OSBPL1A: variants seen among roughly 807,000 people sequenced by gnomAD.
OSBPL1A encodes the protein oxysterol-binding protein-related protein 1.
OSBPL1A carries 80 observed loss-of-function variants against 137.1 expected under a neutral mutation model. That is an observed-to-expected ratio of 0.58 (90% confidence interval 0.49 to 0.70). OSBPL1A has a LOEUF of 0.70. Among genes scored for constraint, OSBPL1A ranks in the 30% least tolerant of loss-of-function variants. OSBPL1A has a pLI of 0.00. For synonymous variants in OSBPL1A, 365 were observed against 389.7 expected, an observed-to-expected ratio of 0.94 and a Z score of 0.75; for missense variants, 970 against 1,129.4, an observed-to-expected ratio of 0.86 and a Z score of 2.02.
chr18:24,298,416 G>A (rs2090332609), intron 14 of OSBPL1A, among the ~76,000 whole-genome samples: 1 of 152,142 alleles, frequency 6.6e-6, no homozygotes, highest in Admixed American at 6.5e-5. Flanking sequence ...GTGCGATCTT[G>A]GCTCACTGCA....
chr18:24,247,567 A>G (rs994744122), intron 15 of OSBPL1A, among the ~76,000 whole-genome samples: 1 of 152,068 alleles, frequency 6.6e-6, no homozygotes, highest in Non-Finnish European at 1.5e-5. Context: ...GGCTCAAGTG[A>G]TCCTCCCACC....
At chr18:24,353,745 A>AG (rs2146175030) in intron 4 of OSBPL1A, among the ~76,000 whole-genome samples, 1 of 152,192 alleles carries the variant, frequency 6.6e-6, no homozygotes, top group Non-Finnish European at 1.5e-5. Flanking sequence ...GCCATAAAAA[A>AG]TGATGAGTTC....
In OSBPL1A at chr18:24,175,115, T is replaced by C. The variant is rs909035902; in HGVS notation, c.2094-2632A>G. 5.3e-3 allele frequency among the ~76,000 whole-genome samples: 154 copies of C among 29,196 alleles called. 3 individuals carry two copies. In the South Asian group the frequency reaches 0.12, roughly 23 times the overall value. The allele number at this position is 29,196 out of a possible 152,430, so 19.2% of individuals were successfully genotyped here. ...CTTATTTGCCATGTGTATGTATATATATATATATATATATATATATACACA... is the reference window on the plus strand; with the variant it reads ...CTTATTTGCCATGTGTATGTATATACATATATATATATATATATATACACA... On this transcript the variant is annotated intron_variant, in intron 21 of 27. Transcript: ENST00000319481.
At chr18:24,300,022 C>A (rs1161264852) in intron 14 of OSBPL1A, among the ~76,000 whole-genome samples, 3 of 152,100 alleles carry the variant, frequency 2.0e-5, no homozygotes, top group African/African-American at 7.2e-5. Flanking sequence ...GATAACATGG[C>A]CTTCAGGAAG....
At chr18:24,240,579 G>C (rs752936725) in intron 15 of OSBPL1A, among the ~76,000 whole-genome samples, 1 of 152,178 alleles carries the variant, frequency 6.6e-6, no homozygotes, top group Non-Finnish European at 1.5e-5. Context: ...GAAAAGCAGG[G>C]ATCCACTGGT....
intron 4 of OSBPL1A, among the ~76,000 whole-genome samples, chr18:24,345,240 GAGA>G (rs2091326996): frequency 6.6e-6 from 1 of 152,212 alleles, no homozygotes; most frequent in African/African-American, 2.4e-5. Flanking sequence ...CCTCCTCCCA[GAGA>G]AGTAGTCAGC....
chr18:24,225,244 A>T, intron 16 of OSBPL1A, 46 bp from the exon 17 acceptor site: 1 of 1,604,702 alleles, frequency 6.2e-7, no homozygotes, highest in Non-Finnish European at 8.5e-7. Context: ...CTTGGGTGTG[A>T]GGCTTCCGTA....
chr18:24,290,269 C>A (rs1438302780), intron 14 of OSBPL1A, among the ~76,000 whole-genome samples: 1 of 152,102 alleles, frequency 6.6e-6, no homozygotes, highest in Non-Finnish European at 1.5e-5. Flanking sequence ...CCCAGATATG[C>A]TAGAAAGAAA....
At chr18:24,364,531 A>C (rs2091674081) in intron 4 of OSBPL1A, among the ~76,000 whole-genome samples, 1 of 152,214 alleles carries the variant, frequency 6.6e-6, no homozygotes, top group African/African-American at 2.4e-5. Context: ...TGAGGTAGGA[A>C]GATCACTTGA....
chr18:24,173,372 AC>A (rs1297717363), intron 21 of OSBPL1A, among the ~76,000 whole-genome samples: 2 of 152,048 alleles, frequency 1.3e-5, no homozygotes, highest in South Asian at 2.1e-4. Context: ...CTGCACATGT[AC>A]CCCCAAACCT....
At position 24,169,788 on chromosome 18, in the gene OSBPL1A, G is replaced by A. The variant is rs1334377671; in HGVS notation, c.2418+539C>T. 3.3e-5 allele frequency among the ~76,000 whole-genome samples: 5 copies of A among 152,292 alleles called. No individual in the cohort carries two copies. In the East Asian group the frequency reaches 7.7e-4, roughly 23 times the overall value. ...CACTGGAGCCTGTTTGGGACCACGC[G>A]ACAAGAAGCCACGTATGTGCCTCCC... is the stretch of plus-strand genomic sequence containing the variant. On this transcript the variant is annotated intron_variant, in intron 24 of 27. Coordinates refer to ENST00000319481, the MANE Select transcript of OSBPL1A (RefSeq NM_080597.4).
rs74271368 is a variant in OSBPL1A, at chr18:24,366,598, A to AT, written c.282+293dup. 3.7e-3 allele frequency: 890 copies of AT among 239,798 alleles called. 4 individuals carry two copies. Among genetic ancestry groups the AT allele is most frequent in the African/African-American group, 0.014 (642 of 44,480 alleles). 14.9% of individuals were successfully genotyped at this position (239,798 alleles called of 1,614,324 possible). ...ATGTAAGTTATACCTCAATGAAGCT[A>AT]TTTTTTTTTTAAAAAAAAGAATAAT... On this transcript the variant is annotated intron_variant, in intron 4 of 27. Transcript: ENST00000319481.
intron 22 of OSBPL1A, 79 bp from the exon 23 acceptor site, chr18:24,171,577 T>C (rs899546044): frequency 1.1e-5 from 12 of 1,066,190 alleles, no homozygotes; most frequent in South Asian, 2.8e-5. Flanking sequence ...ATCACTTTTC[T>C]AGCAGCAGCT....
In OSBPL1A at chr18:24,180,248, T is replaced by C. The variant is rs142544981; in HGVS notation, c.1813-413A>G. 7.7e-4 allele frequency among the ~76,000 whole-genome samples: 118 copies of C among 152,296 alleles called. 2 individuals carry two copies. The highest frequency in any genetic ancestry group is 2.7e-3 in the African/African-American group (114 of 41,566). ...GTTGGAAAATGCTGACTTATATAGA[T>C]GAAAGGACAGAAAGACTCAGTTTAG... On this transcript the variant is annotated intron_variant, in intron 19 of 27. Coordinates refer to ENST00000319481, the MANE Select transcript of OSBPL1A (RefSeq NM_080597.4).
chr18:24,168,995 A>G (rs2086208349), intron 24 of OSBPL1A, among the ~76,000 whole-genome samples: 1 of 152,214 alleles, frequency 6.6e-6, no homozygotes, highest in Admixed American at 6.5e-5. Flanking sequence ...TATTAGCAGG[A>G]GCTGCCGCCA....
chr18:24,241,767 C>T (rs1381144771), intron 15 of OSBPL1A, among the ~76,000 whole-genome samples: 1 of 152,174 alleles, frequency 6.6e-6, no homozygotes, highest in East Asian at 1.9e-4. Flanking sequence ...CCAGCAATCC[C>T]ATTACTGGGT....
intron 7 of OSBPL1A, among the ~76,000 whole-genome samples, chr18:24,330,174 C>T (rs566420738): frequency 3.9e-5 from 6 of 152,236 alleles, no homozygotes; most frequent in African/African-American, 1.4e-4. Flanking sequence ...TCACCTCTCA[C>T]CCAAGACCAT....
intron 2 of OSBPL1A, among the ~76,000 whole-genome samples, chr18:24,373,172 A>T (rs984436532): frequency 6.6e-6 from 1 of 152,232 alleles, no homozygotes; most frequent in Middle Eastern, 3.2e-3. Flanking sequence ...ATCTAAAAGG[A>T]TGTGTTCAAT....
At chr18:24,289,090 G>A (rs963731054) in intron 14 of OSBPL1A, among the ~76,000 whole-genome samples, 1 of 152,082 alleles carries the variant, frequency 6.6e-6, no homozygotes, top group African/African-American at 2.4e-5. Flanking sequence ...TTTTAGGGAT[G>A]AAGAACAGAA....
Sources: allele counts gnomAD v4.1 joint callset (sites outside exome capture counted in the v4.1 genomes callset), GRCh38; gene constraint gnomAD v4.1.1; transcripts MANE v1.5; gene names NCBI Gene and HGNC (gene_info 2026-07-23, HGNC 2026-07-21).